RSU1: variants seen among roughly 807,000 people sequenced by gnomAD.
RSU1 encodes rsu-1.
A neutral mutation model predicts 31.1 loss-of-function variants in RSU1; 26 were observed. That is an observed-to-expected ratio of 0.84 (90% CI 0.61 to 1.16). The LOEUF is 1.16. RSU1 is among the 50% of genes most tolerant of loss of function. RSU1 has a pLI of 0.00. For synonymous variants in RSU1, 164 were observed against 136.3 expected, an observed-to-expected ratio of 1.20 and a Z score of -1.41; for missense variants, 320 against 339.1, an observed-to-expected ratio of 0.94 and a Z score of 0.44.
At chr10:16,764,938 G>C (rs993663541) in intron 3 of RSU1, among the ~76,000 whole-genome samples, 2 of 149,652 alleles carry the variant, frequency 1.3e-5, no homozygotes, top group South Asian at 2.1e-4. Flanking sequence ...ATGCTTCTTC[G>C]TATATGATTA....
intron 7 of RSU1, among the ~76,000 whole-genome samples, chr10:16,739,412 T>C (rs10795425): frequency 0.72 from 107,720 of 149,932 alleles, 40,144 homozygotes; most frequent in East Asian, 0.91. Context: ...TTCTAACTGG[T>C]GTGAGATGGT....
chr10:16,762,962 C>G (rs55975645), intron 4 of RSU1, among the ~76,000 whole-genome samples: 6,431 of 149,962 alleles, frequency 0.043, 330 homozygotes, highest in East Asian at 0.13. Flanking sequence ...GCAGCTAGCC[C>G]AGATCGCCTG....
chr10:16,590,731 C>T lies in RSU1; in HGVS notation c.*2663G>A, dbSNP rs1011123261. 1.3e-5 allele frequency: 2 copies of T among 152,154 alleles called. No homozygotes were observed. The highest frequency in any genetic ancestry group is 4.8e-5 in the African/African-American group (2 of 41,436). The allele number at this position is 152,154 out of a possible 1,614,324, so 9.4% of individuals were successfully genotyped here. ...TTCTAGAAAGTCTTAGTTCACAATA[C>T]AGAGATAATTTAACTGCCTTAAAAT... On this transcript the variant is annotated 3_prime_UTR_variant, in exon 9 of 9. Transcript: ENST00000345264.
intron 7 of RSU1, among the ~76,000 whole-genome samples, chr10:16,725,256 G>A (rs1385641929): frequency 6.6e-6 from 1 of 152,160 alleles, no homozygotes. Flanking sequence ...TCCTAGCAGA[G>A]AAAGCAAGTC....
At chr10:16,736,650 C>T (rs1002371614) in intron 7 of RSU1, among the ~76,000 whole-genome samples, 1 of 151,946 alleles carries the variant, frequency 6.6e-6, no homozygotes, top group African/African-American at 2.4e-5. Context: ...AACAAAAAAA[C>T]CCACAGAAAA....
chr10:16,740,178 T>G (rs926522912), intron 7 of RSU1, among the ~76,000 whole-genome samples: 1 of 151,704 alleles, frequency 6.6e-6, no homozygotes, highest in Non-Finnish European at 1.5e-5. Flanking sequence ...CAAACTAATA[T>G]CCCTCATGAA....
At chr10:16,781,884 T>C (rs981274597) in intron 3 of RSU1, 150 bp downstream of exon 3, 14 of 641,886 alleles carry the variant, frequency 2.2e-5, no homozygotes, top group African/African-American at 3.6e-5. Context: ...AGGATGACAA[T>C]ATTCTCATCT....
chr10:16,793,959 T>G (rs1837977767), intron 2 of RSU1, among the ~76,000 whole-genome samples: 1 of 151,952 alleles, frequency 6.6e-6, no homozygotes. Context: ...GACCTACCCT[T>G]GCCAATGCAG....
At chr10:16,604,083 A>G (rs1407308533) in intron 8 of RSU1, among the ~76,000 whole-genome samples, 1 of 152,122 alleles carries the variant, frequency 6.6e-6, no homozygotes, top group Non-Finnish European at 1.5e-5. Flanking sequence ...TATTAACATG[A>G]CCTGCTTCAG....
chr10:16,627,266 C>T (rs777025343), intron 8 of RSU1, among the ~76,000 whole-genome samples: 57 of 152,216 alleles, frequency 3.7e-4, no homozygotes, highest in Non-Finnish European at 4.3e-4. Flanking sequence ...ATGTACTCAA[C>T]AGTCAATTCT....
intron 8 of RSU1, among the ~76,000 whole-genome samples, chr10:16,613,699 T>A (rs1833930255): frequency 6.6e-6 from 1 of 152,132 alleles, no homozygotes; most frequent in Non-Finnish European, 1.5e-5. Context: ...CAGACAGGCA[T>A]GTTGCAGTAA....
intron 8 of RSU1, among the ~76,000 whole-genome samples, chr10:16,657,444 T>C (rs1834805252): frequency 6.6e-6 from 1 of 151,744 alleles, no homozygotes; most frequent in South Asian, 2.1e-4. Context: ...AACAAGGCAA[T>C]ATGATCAGTG....
intron 7 of RSU1, among the ~76,000 whole-genome samples, chr10:16,707,886 C>T (rs957319231): frequency 6.6e-6 from 1 of 151,676 alleles, no homozygotes; most frequent in African/African-American, 2.4e-5. Context: ...TTTGATTTTT[C>T]TTTTTTTTGG....
chr10:16,752,876 A>G (rs768013563), intron 6 of RSU1, 42 bp downstream of exon 6: 1 of 1,536,076 alleles, frequency 6.5e-7, no homozygotes, highest in African/African-American at 1.4e-5. Flanking sequence ...ACAAGGCTGC[A>G]GCAGTGAATT....
At chr10:16,736,150 A>T (rs1372642807) in intron 7 of RSU1, among the ~76,000 whole-genome samples, 2 of 152,232 alleles carry the variant, frequency 1.3e-5, no homozygotes, top group African/African-American at 4.8e-5. Flanking sequence ...AGAGGCCCAG[A>T]AAGCTGCACA....
intron 7 of RSU1, among the ~76,000 whole-genome samples, chr10:16,747,639 G>A (rs975327771): frequency 6.6e-6 from 1 of 152,140 alleles, no homozygotes; most frequent in African/African-American, 2.4e-5. Flanking sequence ...CTCCCACCAG[G>A]ATTGCAATGA....
intron 7 of RSU1, among the ~76,000 whole-genome samples, chr10:16,730,012 A>C (rs954210484): frequency 1.4e-4 from 21 of 152,204 alleles, no homozygotes; most frequent in Non-Finnish European, 3.1e-4. Flanking sequence ...GCTGCACAAG[A>C]AGCATGGCGC....
Position 16,695,167 on chromosome 10 carries a change from G to GGC in RSU1, c.599-13_599-12insGC. 7.6e-7 allele frequency: 1 copy of GGC among 1,318,158 alleles called. No homozygotes were observed. The highest frequency in any genetic ancestry group is 1.0e-6 in the Non-Finnish European group (1 of 970,984). 81.7% of individuals were successfully genotyped at this position (1,318,158 alleles called of 1,614,324 possible). A position where few individuals can be genotyped will look rare whatever the true frequency, so the allele number is the denominator to read the frequency against. ...TAAATCCAAGTTTCCTGGGGGGGGG[G>GGC]AAAAAAAAAGTGAAGGTCACTTCAT... is the stretch of plus-strand genomic sequence containing the variant. On this transcript the variant is annotated splice_polypyrimidine_tract_variant and intron_variant, in intron 7 of 8. Transcript: ENST00000345264.
intron 8 of RSU1, among the ~76,000 whole-genome samples, chr10:16,692,860 T>C (rs1411782553): frequency 1.3e-5 from 2 of 152,246 alleles, no homozygotes; most frequent in Admixed American, 6.5e-5. Flanking sequence ...GTAAGTGTCA[T>C]AGTATTGTCT....
Sources: gnomAD v4.1 joint callset for allele counts (sites outside exome capture counted in the v4.1 genomes callset) on GRCh38, gnomAD v4.1.1 for gene constraint, MANE v1.5 for transcripts, NCBI Gene and HGNC (gene_info 2026-07-23, HGNC 2026-07-21) for gene names.